The following CHRM3 variants were observed in gnomAD, a reference collection of about 807,000 sequenced individuals.
CHRM3 encodes the protein cholinergic receptor muscarinic 3, also known as muscarinic acetylcholine receptor M3.
In CHRM3, 11 loss-of-function variants were observed where a neutral mutation model predicts 41.8. The ratio of observed to expected loss-of-function variants is 0.26; its 90% CI spans 0.17 to 0.44. The LOEUF (loss-of-function observed/expected upper bound fraction) is 0.44. Among genes scored for constraint, CHRM3 ranks in the 20% least tolerant of loss-of-function variants. CHRM3 has a pLI of 1.00. For missense variants in CHRM3, 571 were observed against 745.4 expected (o/e 0.77, Z 2.72); for synonymous variants, 297 against 301.4 (o/e 0.99, Z 0.15).
intron 4 of CHRM3, among the ~76,000 whole-genome samples, chr1:239,642,843 T>C (rs1348313639): frequency 2.0e-5 from 3 of 152,234 alleles, no homozygotes; most frequent in Non-Finnish European, 4.4e-5. Context: ...AGAGGCGCTC[T>C]GTTTTTAGAG....
In CHRM3 at chr1:239,822,372, C is replaced by T. The variant is rs533115441; in HGVS notation, c.-146-4880C>T. On this transcript the variant is annotated intron_variant, in intron 5 of 6. Coordinates refer to ENST00000676153, the MANE Select transcript of CHRM3 (RefSeq NM_001375978.1). ...GAGAAATAACTTAAAGATAGCTAAA[C>T]CGAGTACTACAAATTGCAAGAGAGC... is the stretch of plus-strand genomic sequence containing the variant. Among the ~76,000 whole-genome samples the T allele has an allele frequency of 2.0e-5, 3 of 152,250 alleles. No individual in the cohort carries two copies. The South Asian group carries it at 6.2e-4, about 32-fold the overall frequency.
intron 2 of CHRM3, among the ~76,000 whole-genome samples, chr1:239,513,530 C>G (rs900771302): frequency 6.6e-6 from 1 of 151,988 alleles, no homozygotes; most frequent in Non-Finnish European, 1.5e-5. Context: ...ATGAATATAC[C>G]TTTATCCGAT....
At chr1:239,592,199 G>A (rs1434703259) in intron 3 of CHRM3, among the ~76,000 whole-genome samples, 1 of 152,172 alleles carries the variant, frequency 6.6e-6, no homozygotes, top group Non-Finnish European at 1.5e-5. Flanking sequence ...TAGTGTCCTA[G>A]ACATTGTAAT....
intron 4 of CHRM3, among the ~76,000 whole-genome samples, chr1:239,641,212 G>A (rs1380463318): frequency 1.3e-5 from 2 of 152,134 alleles, no homozygotes; most frequent in Admixed American, 1.3e-4. Flanking sequence ...GAATCGGTGT[G>A]GTGCGGTGCT....
At chr1:239,487,928 C>G (rs1301279082) in intron 1 of CHRM3, among the ~76,000 whole-genome samples, 1 of 148,468 alleles carries the variant, frequency 6.7e-6, no homozygotes, top group Non-Finnish European at 1.5e-5. Context: ...ATACAAACTA[C>G]CCAATAGAAA....
chr1:239,530,433 T>C (rs191032794), intron 2 of CHRM3, among the ~76,000 whole-genome samples: 294 of 152,234 alleles, frequency 1.9e-3, no homozygotes, highest in African/African-American at 6.7e-3. Flanking sequence ...TCTGTAAAAA[T>C]TGAATTAATA....
At chr1:239,407,466 GCTAT>G (rs953738640) in intron 1 of CHRM3, among the ~76,000 whole-genome samples, 1 of 138,550 alleles carries the variant, frequency 7.2e-6, no homozygotes, top group Non-Finnish European at 1.6e-5. Flanking sequence ...TTTCTAGAAC[GCTAT>G]CTGTCTCAGG....
In CHRM3 at chr1:239,425,201, A is replaced by G. The variant is rs563686747; in HGVS notation, c.-521+37974A>G. On this transcript the variant is annotated intron_variant, in intron 1 of 6. Transcript: ENST00000676153. ...ATTGGGGTTAAGCAGTGCAGGACTC[A>G]GTCTGTTGGGCCACATAGATCAAAC... Among the ~76,000 whole-genome samples the G allele has an allele frequency of 4.6e-5, 7 of 152,322 alleles. No homozygotes were observed. The East Asian group carries it at 1.4e-3, about 29-fold the overall frequency.
intron 3 of CHRM3, among the ~76,000 whole-genome samples, chr1:239,608,990 A>G (rs537644429): frequency 6.6e-6 from 1 of 152,298 alleles, no homozygotes; most frequent in African/African-American, 2.4e-5. Context: ...CATAATTGAT[A>G]TACTATATAC....
At chr1:239,554,696 A>G (rs988659127) in intron 3 of CHRM3, among the ~76,000 whole-genome samples, 3 of 145,170 alleles carry the variant, frequency 2.1e-5, no homozygotes, top group Admixed American at 6.9e-5. Flanking sequence ...TAAAATACCT[A>G]TTGTAATTTT....
intron 1 of CHRM3, among the ~76,000 whole-genome samples, chr1:239,485,572 ACCTGGCTCCCTATTATTT>A (rs549202258): frequency 6.6e-6 from 1 of 152,292 alleles, no homozygotes; most frequent in African/African-American, 2.4e-5. Context: ...GAGCCACCAC[ACCTGGCTCCCTATTATTT>A]TAAGAGAAAG....
intron 2 of CHRM3, among the ~76,000 whole-genome samples, chr1:239,522,670 G>A (rs1224528569): frequency 6.6e-6 from 1 of 152,184 alleles, no homozygotes; most frequent in Non-Finnish European, 1.5e-5. Context: ...TGACAATGAG[G>A]AGGTAGAGAT....
chr1:239,560,040 A>G (rs772784993), intron 3 of CHRM3, among the ~76,000 whole-genome samples: 8 of 152,218 alleles, frequency 5.3e-5, no homozygotes, highest in Non-Finnish European at 1.2e-4. Context: ...ACAAATGATG[A>G]AGTATGGCAT....
intron 6 of CHRM3, among the ~76,000 whole-genome samples, chr1:239,894,313 T>G (rs1253284400): frequency 6.6e-6 from 1 of 152,218 alleles, no homozygotes; most frequent in Non-Finnish European, 1.5e-5. Flanking sequence ...AAACAGGGAA[T>G]GGCACAGGCG....
chr1:239,425,599 G>A (rs535901529), intron 1 of CHRM3, among the ~76,000 whole-genome samples: 2 of 152,110 alleles, frequency 1.3e-5, no homozygotes, highest in South Asian at 4.2e-4. Context: ...TTGACACTTG[G>A]TTCCTCACTT....
chr1:239,814,222 TTCTC>T (rs922213547), intron 5 of CHRM3, among the ~76,000 whole-genome samples: 2 of 152,138 alleles, frequency 1.3e-5, no homozygotes, highest in Non-Finnish European at 2.9e-5. Context: ...CTCTCTTTGT[TTCTC>T]TCTCTCAGTA....
At chr1:239,433,134 T>C (rs1031180633) in intron 1 of CHRM3, among the ~76,000 whole-genome samples, 1 of 152,188 alleles carries the variant, frequency 6.6e-6, no homozygotes, top group Admixed American at 6.6e-5. Context: ...CCAAACTGAC[T>C]GCTCCCCAAA....
chr1:239,597,238 A>G (rs545997959), intron 3 of CHRM3, among the ~76,000 whole-genome samples: 1 of 152,276 alleles, frequency 6.6e-6, no homozygotes, highest in South Asian at 2.1e-4. Context: ...AGAAAAAAGA[A>G]GGTATAGGAT....
At chr1:239,717,712 G>A (rs1362679662) in intron 5 of CHRM3, among the ~76,000 whole-genome samples, 1 of 151,962 alleles carries the variant, frequency 6.6e-6, no homozygotes, top group African/African-American at 2.4e-5. Context: ...CTTAAACAAT[G>A]TCCGGGAAAT....
Sources: allele counts gnomAD v4.1 joint callset (sites outside exome capture counted in the v4.1 genomes callset), GRCh38; gene constraint gnomAD v4.1.1; transcripts MANE v1.5; gene names NCBI Gene and HGNC (gene_info 2026-07-23, HGNC 2026-07-21).